ARFGAP1: variants seen among roughly 807,000 people sequenced by gnomAD.
ARFGAP1 encodes the protein ADP-ribosylation factor GTPase-activating protein 1.
In ARFGAP1, 26 loss-of-function variants were observed where a neutral mutation model predicts 54.0. The observed-to-expected ratio is 0.48, with a 90% confidence interval of 0.35 to 0.67. The LOEUF (loss-of-function observed/expected upper bound fraction) is 0.67. Among genes scored for constraint, ARFGAP1 ranks in the 30% least tolerant of loss-of-function variants. ARFGAP1 has a pLI of 0.00. For missense variants in ARFGAP1, 525 were observed against 535.8 expected, an observed-to-expected ratio of 0.98 and a Z score of 0.20; for synonymous variants, 248 against 211.9, an observed-to-expected ratio of 1.17 and a Z score of -1.48.
At position 63,286,417 on chromosome 20, in the gene ARFGAP1, G is replaced by T; in HGVS notation, c.886G>T (p.Gly296Trp). The change falls in exon 12 of 13, where the codon GGG (glycine) becomes TGG (tryptophan). Residue 296 changes from glycine (G) to tryptophan (W), a missense_variant. Around this residue, in one of 3 missense-constraint regions of ARFGAP1, gnomAD observed 466 missense variants for 453.6 expected, o/e 1.03. Transcript: ENST00000370283. ...GWRDVTTFFSGKAEGPLDSPS... is the reference protein window; with the variant it reads ...GWRDVTTFFSWKAEGPLDSPS... ...GCGGGACGTCACCACCTTTTTTTCG[G>T]GGAAAGCAGAGGGCCCCTTGGACAG... 6.2e-7 allele frequency: 1 copy of T among 1,613,460 alleles called. No homozygotes were observed. The highest frequency in any genetic ancestry group is 8.5e-7 in the Non-Finnish European group (1 of 1,179,968).
rs1426326442 is a variant in ARFGAP1, at chr20:63,278,916, A to G, written c.548A>G (p.Tyr183Cys). The change falls in exon 7 of 13, where the codon TAC becomes TGC. Residue 183 changes from tyrosine to cysteine, a missense_variant. Tyr to Cys is a radical substitution (Grantham distance 194). Coordinates refer to ENST00000370283, the MANE Select transcript of ARFGAP1 (RefSeq NM_018209.4). ...GTTTTCAGGGCCCAGGGGAATCGCT[A>G]CGTGGGGTTTGGGAACACGCCACCG... ...GSYQGAQGNR[Y>C]VGFGNTPPPQ... 6.2e-7 allele frequency: 1 copy of G among 1,614,140 alleles called. No homozygotes were observed. The highest frequency in any genetic ancestry group is 1.1e-5 in the South Asian group (1 of 91,084).
At chr20:63,284,789 C>A in intron 9 of ARFGAP1, 77 bp from the exon 10 acceptor site, 6 of 1,586,930 alleles carry the variant, frequency 3.8e-6, no homozygotes, top group Non-Finnish European at 4.3e-6. Flanking sequence ...CTGCCCTTTG[C>A]TGGCCTGTGC....
At chr20:63,279,214 T>C in intron 7 of ARFGAP1, 1 of 651,362 alleles carries the variant, frequency 1.5e-6, no homozygotes, top group South Asian at 1.5e-5. Context: ...TTTTTTTTTT[T>C]TTAAGACGGA....
At chr20:63,285,531 C>A in intron 10 of ARFGAP1, 123 bp from the exon 11 acceptor site, 1 of 1,022,994 alleles carries the variant, frequency 9.8e-7, no homozygotes, top group Non-Finnish European at 1.5e-6. Context: ...GGGGCTCAGC[C>A]TGATGGGTAT....
chr20:63,284,841 G>C, intron 9 of ARFGAP1, 25 bp from the exon 10 acceptor site: 1 of 1,611,672 alleles, frequency 6.2e-7, no homozygotes, highest in Non-Finnish European at 8.5e-7. Context: ...CTGTCGTGGG[G>C]CTCACGTGAC....
chr20:63,283,299 G>T (rs992014390), intron 9 of ARFGAP1: 1 of 211,000 alleles, frequency 4.7e-6, no homozygotes, highest in African/African-American at 2.3e-5. Context: ...GGGCAGTGTG[G>T]CCTCAGGCCT....
intron 6 of ARFGAP1, chr20:63,278,451 C>T (rs1482019498): frequency 2.0e-6 from 1 of 502,422 alleles, no homozygotes; most frequent in Non-Finnish European, 3.6e-6. Context: ...GCAGTGACCC[C>T]CAGCTGCCCA....
intron 9 of ARFGAP1, chr20:63,283,730 A>C (rs2123287237): frequency 9.3e-7 from 1 of 1,074,192 alleles, no homozygotes; most frequent in East Asian, 2.5e-5. Context: ...TGTTGCTGAG[A>C]GCCTGCCCGG....
Position 63,276,315 on chromosome 20 carries a change from C to A in ARFGAP1, c.170+115C>A. On this transcript the variant is annotated intron_variant, in intron 3 of 12. Coordinates refer to ENST00000370283, the MANE Select transcript of ARFGAP1 (RefSeq NM_018209.4). This position sits in a 1 kb window ranked among gnomAD's most constrained non-coding sequence, Gnocchi z 5.2. ...TTGGGGGCCACCTCCCATTGCATTG[C>A]CAGTGTCCACTCTAGTGACGCCATG... The A allele has an allele frequency of 7.2e-7, 1 of 1,381,238 alleles. No homozygotes were observed. Among genetic ancestry groups the A allele is most frequent in the Non-Finnish European group, 1.0e-6 (1 of 988,660 alleles). 85.6% of individuals were successfully genotyped at this position (1,381,238 alleles called of 1,614,324 possible).
rs2067138924 is a variant in ARFGAP1 at position 63,272,883 on chromosome 20, G to A, written c.-42G>A. The A allele has an allele frequency of 6.6e-6, 1 of 152,218 alleles. No individual in the cohort carries two copies. Among genetic ancestry groups the A allele is most frequent in the African/African-American group, 2.4e-5 (1 of 41,444 alleles). The allele number at this position is 152,218 out of a possible 1,614,324, so 9.4% of individuals were successfully genotyped here. A position where few individuals can be genotyped will look rare whatever the true frequency, so the allele number is the denominator to read the frequency against. On this transcript the variant is annotated 5_prime_UTR_variant, in exon 1 of 13. Transcript: ENST00000370283. ...AGTGCGGCGGCCCTACCTCGGCCCT[G>A]GCCTGACCCCGGCGGCCCTGCCCGC...
At position 63,277,386 on chromosome 20, in the gene ARFGAP1, CCTT is replaced by C. The variant is rs996255682; in HGVS notation, c.443+85_443+87del. The C allele has an allele frequency of 8.5e-5, 105 of 1,231,460 alleles. No homozygotes were observed. The African/African-American group carries it at 1.2e-3, about 14-fold the overall frequency. 76.3% of individuals were successfully genotyped at this position (1,231,460 alleles called of 1,614,324 possible). ...GATTGGGTTTCCCACAGAATTCTCC[CCTT>C]CTTTGCTGTTGTGACAGCTCTTTTC... On this transcript the variant is annotated intron_variant, in intron 5 of 12. Coordinates refer to ENST00000370283, the MANE Select transcript of ARFGAP1 (RefSeq NM_018209.4).
chr20:63,284,999 G>A, intron 10 of ARFGAP1, 77 bp downstream of exon 10: 1 of 1,545,954 alleles, frequency 6.5e-7, no homozygotes, highest in Non-Finnish European at 8.9e-7. Context: ...GTGTTAGGGG[G>A]ATTGTTTGTC....
At chr20:63,277,581 T>G (rs2067266786) in intron 5 of ARFGAP1, among the ~76,000 whole-genome samples, 1 of 152,174 alleles carries the variant, frequency 6.6e-6, no homozygotes, top group Non-Finnish European at 1.5e-5. Context: ...GGAGTTCACA[T>G]CTCCATCTGC....
intron 6 of ARFGAP1, chr20:63,278,490 G>A (rs929416516): frequency 2.1e-6 from 1 of 479,814 alleles, no homozygotes; most frequent in Non-Finnish European, 3.8e-6. Context: ...TGGGTGTATT[G>A]CAGTGACCCC....
In ARFGAP1 at chr20:63,286,449, T is replaced by C. The variant is rs1226533616; in HGVS notation, c.911+7T>C. The C allele has an allele frequency of 2.5e-6, 4 of 1,612,690 alleles. No homozygotes were observed. The highest frequency in any genetic ancestry group is 3.3e-5 in the Admixed American group (2 of 59,962). On this transcript the variant is annotated splice_region_variant and intron_variant, in intron 12 of 12. Transcript: ENST00000370283. ...CAGAGGGCCCCTTGGACAGGTATGCTGTGTCCCCTCCTGGGCCTTGCATCC... is the reference window on the plus strand; with the variant it reads ...CAGAGGGCCCCTTGGACAGGTATGCCGTGTCCCCTCCTGGGCCTTGCATCC...
chr20:63,284,595 GC>G, intron 9 of ARFGAP1: 1 of 1,323,024 alleles, frequency 7.6e-7, no homozygotes, highest in Non-Finnish European at 9.7e-7. Flanking sequence ...GCCCGGCAGG[GC>G]CGCATGGTGG....
chr20:63,283,084 G>C lies in ARFGAP1; in HGVS notation c.717+233G>C. On this transcript the variant is annotated intron_variant, in intron 9 of 12. Transcript: ENST00000370283. ...GGGCCAAACTCGTTTCCTGTTCACT[G>C]GTAGCTGGTACCGGTGTGTGGCCAC... The C allele has an allele frequency of 1.6e-5, 9 of 576,888 alleles. No homozygotes were observed. The South Asian group carries it at 1.9e-4, about 12-fold the overall frequency. The allele number at this position is 576,888 out of a possible 1,614,324, so 35.7% of individuals were successfully genotyped here. A position where few individuals can be genotyped will look rare whatever the true frequency, so the allele number is the denominator to read the frequency against.
In ARFGAP1 at chr20:63,288,146, G is replaced by A. The variant is rs150604172; in HGVS notation, c.*273G>A. ...CTTGGACTCAAGGCCGGGGCTCTGC[G>A]TGGCTTGCTGGGAGGTGGGCTGCAG... On this transcript the variant is annotated 3_prime_UTR_variant, in exon 13 of 13. Coordinates refer to ENST00000370283, the MANE Select transcript of ARFGAP1 (RefSeq NM_018209.4). 779 of 593,692 alleles carry A rather than the reference G, an allele frequency of 1.3e-3. 4 individuals are homozygous for A. Among genetic ancestry groups the A allele is most frequent in the African/African-American group, 9.1e-3 (495 of 54,624 alleles). The allele number at this position is 593,692 out of a possible 1,614,324, so 36.8% of individuals were successfully genotyped here. A position where few individuals can be genotyped will look rare whatever the true frequency, so the allele number is the denominator to read the frequency against.
chr20:63,287,555 CTT>C lies in ARFGAP1; in HGVS notation c.912-7_912-6del. The C allele has an allele frequency of 6.4e-7, 1 of 1,574,388 alleles. No homozygotes were observed. The highest frequency in any genetic ancestry group is 8.6e-7 in the Non-Finnish European group (1 of 1,156,264). On this transcript the variant is annotated splice_polypyrimidine_tract_variant and splice_region_variant and intron_variant, in intron 12 of 12. Coordinates refer to ENST00000370283, the MANE Select transcript of ARFGAP1 (RefSeq NM_018209.4). ...GTCATTTAGAGTCCCCCTTCTGTCT[CTT>C]TAAAAGCCCCTCGGAGGGCCACAGT...
Sources: gnomAD v4.1 joint callset for allele counts (sites outside exome capture counted in the v4.1 genomes callset) on GRCh38, gnomAD v4.1.1 for gene constraint, gnomAD v4.1.1 regional missense constraint, Gnocchi (gnomAD v3.1) non-coding constraint, MANE v1.5 for transcripts, NCBI Gene and HGNC (gene_info 2026-07-23, HGNC 2026-07-21) for gene names.